The following PRKAR2B variants were observed in gnomAD, a reference collection of about 807,000 sequenced individuals.
PRKAR2B encodes protein kinase cAMP-dependent type II regulatory subunit beta.
A neutral mutation model predicts 49.9 loss-of-function variants in PRKAR2B; 14 were observed. The ratio of observed to expected loss-of-function variants is 0.28; its 90% confidence interval spans 0.19 to 0.44. PRKAR2B has a LOEUF of 0.44. PRKAR2B is among the 20% of genes least tolerant of loss of function. The pLI is 1.00. For synonymous variants in PRKAR2B, 196 were observed against 197.7 expected (o/e 0.99, Z 0.07); for missense variants, 393 against 537.9 (o/e 0.73, Z 2.67).
intron 3 of PRKAR2B, among the ~76,000 whole-genome samples, chr7:107,123,974 T>A (rs17425867): frequency 0.031 from 4,755 of 152,280 alleles, 91 homozygotes; most frequent in Middle Eastern, 0.054. Context: ...TGGGAATGAT[T>A]ATTACAGATT....
chr7:107,099,460 C>T (rs1794913651), intron 2 of PRKAR2B, among the ~76,000 whole-genome samples: 1 of 152,140 alleles, frequency 6.6e-6, no homozygotes, highest in African/African-American at 2.4e-5. Flanking sequence ...ACCCCTTGTG[C>T]TTCCCAGTTG....
intron 2 of PRKAR2B, among the ~76,000 whole-genome samples, 184 bp from the exon 3 acceptor site, chr7:107,121,768 T>A (rs572746144): frequency 1.2e-4 from 18 of 152,274 alleles, no homozygotes; most frequent in Admixed American, 5.9e-4. Flanking sequence ...GCTTTATTTT[T>A]AAGTAAATTA....
chr7:107,077,546 A>C (rs1325307870), intron 2 of PRKAR2B, among the ~76,000 whole-genome samples: 1 of 152,224 alleles, frequency 6.6e-6, no homozygotes, highest in Non-Finnish European at 1.5e-5. Flanking sequence ...TAAAAAGTCC[A>C]TTTTCACCAT....
chr7:107,152,740 A>G (rs1228893367), intron 7 of PRKAR2B, among the ~76,000 whole-genome samples: 1 of 152,220 alleles, frequency 6.6e-6, no homozygotes, highest in South Asian at 2.1e-4. Flanking sequence ...TTTTGTCCAC[A>G]TCACACAGTG....
At chr7:107,058,525 A>G (rs939798160) in intron 1 of PRKAR2B, among the ~76,000 whole-genome samples, 10 of 152,252 alleles carry the variant, frequency 6.6e-5, no homozygotes, top group Non-Finnish European at 1.2e-4. Context: ...GAAAATAAAG[A>G]CAATCTTTTG....
chr7:107,150,868 T>C (rs1795972728), intron 6 of PRKAR2B, 54 bp from the exon 7 acceptor site: 2 of 879,470 alleles, frequency 2.3e-6, no homozygotes, highest in East Asian at 5.5e-5. Flanking sequence ...AAAATAAAAC[T>C]ATTTGTATAG....
At chr7:107,071,942 A>G (rs1192665129) in intron 2 of PRKAR2B, among the ~76,000 whole-genome samples, 1 of 151,542 alleles carries the variant, frequency 6.6e-6, no homozygotes, top group Non-Finnish European at 1.5e-5. Flanking sequence ...GGTGGCGGGC[A>G]CCTGTAGTCC....
intron 3 of PRKAR2B, among the ~76,000 whole-genome samples, chr7:107,126,353 G>A (rs1372750254): frequency 6.7e-6 from 1 of 148,356 alleles, no homozygotes; most frequent in African/African-American, 2.5e-5. Flanking sequence ...CCCGGGAGGC[G>A]GAGATTGCAG....
At chr7:107,144,555 G>A (rs777573846) in intron 5 of PRKAR2B, among the ~76,000 whole-genome samples, 1 of 151,974 alleles carries the variant, frequency 6.6e-6, no homozygotes, top group Non-Finnish European at 1.5e-5. Context: ...TGAACTCCTG[G>A]GCCCAAGCGA....
rs571891330 is a variant in PRKAR2B, at chr7:107,056,380, G to T, written c.307+11166G>T. On this transcript the variant is annotated intron_variant, in intron 1 of 10. Transcript: ENST00000265717. ...GGTCATTGGTAGCTTGATGGGGATG[G>T]CATTGAATCTATAAATTACCTTGGG... 2.0e-5 allele frequency among the ~76,000 whole-genome samples: 3 copies of T among 152,250 alleles called. No individual in the cohort carries two copies. The South Asian group carries it at 6.2e-4, about 32-fold the overall frequency.
chr7:107,137,780 T>G (rs1351832084), intron 4 of PRKAR2B, among the ~76,000 whole-genome samples: 4 of 152,218 alleles, frequency 2.6e-5, no homozygotes, highest in Non-Finnish European at 5.9e-5. Flanking sequence ...CGATTTTAAT[T>G]TGGATTTCTC....
chr7:107,148,771 C>T (rs1795937542), intron 6 of PRKAR2B, among the ~76,000 whole-genome samples: 1 of 152,142 alleles, frequency 6.6e-6, no homozygotes, highest in Non-Finnish European at 1.5e-5. Context: ...GCAGAATAGT[C>T]TCACTCTGTA....
rs142620126 is a variant in PRKAR2B at position 107,055,814 on chromosome 7, G to C, written c.307+10600G>C. Reference sequence around the variant, plus strand: ...TCTTTTGCTGTGCAGAAGCTCTTTAGTTTAATTACATCTCATTTGTCAATT... The same window carrying C: ...TCTTTTGCTGTGCAGAAGCTCTTTACTTTAATTACATCTCATTTGTCAATT... On this transcript the variant is annotated intron_variant, in intron 1 of 10. Coordinates refer to ENST00000265717, the MANE Select transcript of PRKAR2B (RefSeq NM_002736.3). Among the ~76,000 whole-genome samples the C allele has an allele frequency of 4.9e-3, 745 of 152,286 alleles. 6 individuals are homozygous for C. Among genetic ancestry groups the C allele is most frequent in the African/African-American group, 0.017 (709 of 41,550 alleles).
chr7:107,090,207 G>T (rs934382642), intron 2 of PRKAR2B, among the ~76,000 whole-genome samples: 2 of 152,154 alleles, frequency 1.3e-5, no homozygotes, highest in Non-Finnish European at 2.9e-5. Flanking sequence ...AGAAGCAACT[G>T]GAACCTGGTT....
At position 107,146,332 on chromosome 7, in the gene PRKAR2B, A is replaced by G; in HGVS notation, c.612A>G (p.Lys204=). Residue 204 remains lysine (K), a synonymous_variant, in exon 6 of 11, where the codon AAA becomes AAG. Coordinates refer to ENST00000265717, the MANE Select transcript of PRKAR2B (RefSeq NM_002736.3). ...GAGGCACATTTGATATTTATGTGAA[A>G]TGTGATGGTGTTGGAAGATGTGTTG... The part of the protein sequence containing the change: ...IDRGTFDIYV[K]CDGVGRCVGN... The G allele has an allele frequency of 6.2e-7, 1 of 1,614,116 alleles. No homozygotes were observed. The highest frequency in any genetic ancestry group is 8.5e-7 in the Non-Finnish European group (1 of 1,179,982).
chr7:107,109,164 G>A (rs779264754), intron 2 of PRKAR2B, among the ~76,000 whole-genome samples: 48 of 152,212 alleles, frequency 3.2e-4, no homozygotes, highest in Non-Finnish European at 1.9e-4. Context: ...AACTGTTGTG[G>A]TGCTGGTGGG....
chr7:107,107,544 C>T (rs1166286311), intron 2 of PRKAR2B, among the ~76,000 whole-genome samples: 2 of 152,016 alleles, frequency 1.3e-5, no homozygotes, highest in African/African-American at 4.8e-5. Flanking sequence ...GACAGTAGTA[C>T]AAATGCCATC....
chr7:107,123,089 G>A (rs184495062), intron 3 of PRKAR2B, among the ~76,000 whole-genome samples: 12 of 152,258 alleles, frequency 7.9e-5, no homozygotes, highest in African/African-American at 2.9e-4. Context: ...AATACCGGGT[G>A]GCAATGAAGA....
intron 3 of PRKAR2B, among the ~76,000 whole-genome samples, chr7:107,124,160 G>A (rs536309774): frequency 1.3e-4 from 20 of 152,178 alleles, no homozygotes; most frequent in Non-Finnish European, 1.2e-4. Flanking sequence ...CAAAGAAAAT[G>A]TAAATACTTA....
Sources: allele counts gnomAD v4.1 joint callset (sites outside exome capture counted in the v4.1 genomes callset), GRCh38; gene constraint gnomAD v4.1.1; transcripts MANE v1.5; gene names NCBI Gene and HGNC (gene_info 2026-07-23, HGNC 2026-07-21).